Variants in ABCC1 observed in about 807,000 individuals in gnomAD.
The protein encoded by ABCC1 is multidrug resistance-associated protein 1.
A neutral mutation model predicts 172.9 loss-of-function variants in ABCC1; 83 were observed. The ratio of observed to expected loss-of-function variants is 0.48; its 90% CI spans 0.40 to 0.58. ABCC1 has a LOEUF of 0.58. Ranked by LOEUF, ABCC1 falls within the 20% of genes least tolerant of loss-of-function variation. ABCC1 has a pLI of 0.00. For synonymous variants in ABCC1, 937 were observed against 825.2 expected (o/e 1.14, Z -2.32); for missense variants, 1,817 against 2,002.7 (o/e 0.91, Z 1.77).
In ABCC1 at chr16:16,142,149, C is replaced by T. The variant is rs535814046; in HGVS notation, c.*868C>T. 7.2e-6 allele frequency: 1 copy of T among 138,658 alleles called. No homozygotes were observed. Among genetic ancestry groups the T allele is most frequent in the South Asian group, 2.3e-4 (1 of 4,288 alleles). 8.6% of individuals were successfully genotyped at this position (138,658 alleles called of 1,614,324 possible). Reference sequence around the variant, plus strand: ...AACAATCAATGCTGTTATTACTGTTCCCACCATGATTGATGTGGGGTAAAT... The same window carrying T: ...AACAATCAATGCTGTTATTACTGTTTCCACCATGATTGATGTGGGGTAAAT... On this transcript the variant is annotated 3_prime_UTR_variant, in exon 31 of 31. Coordinates refer to ENST00000399410, the MANE Select transcript of ABCC1 (RefSeq NM_004996.4).
intron 16 of ABCC1, among the ~76,000 whole-genome samples, chr16:16,083,023 T>A (rs966111153): frequency 4.6e-5 from 7 of 152,334 alleles, no homozygotes; most frequent in Middle Eastern, 3.4e-3. Flanking sequence ...TAGTTTTCCG[T>A]CACCTGAGGG....
At chr16:15,955,824 A>G (rs1273655044) in intron 1 of ABCC1, among the ~76,000 whole-genome samples, 1 of 152,168 alleles carries the variant, frequency 6.6e-6, no homozygotes, top group African/African-American at 2.4e-5. Context: ...TCGGCTCCAT[A>G]GGGGCAGGGA....
At chr16:16,138,220 C>A in intron 29 of ABCC1, 144 bp from the exon 30 acceptor site, 1 of 633,124 alleles carries the variant, frequency 1.6e-6, no homozygotes, top group Non-Finnish European at 2.7e-6. Context: ...ATGTCTGCTG[C>A]AGACACAGAT....
At chr16:16,096,915 T>C (rs1463574715) in intron 19 of ABCC1, among the ~76,000 whole-genome samples, 2 of 2,366 alleles carry the variant, frequency 8.5e-4, no homozygotes, top group Non-Finnish European at 0.012. Flanking sequence ...GTGTGTTTGC[T>C]TTAAAAAAAA....
At chr16:16,011,329 G>T (rs1020945848) in intron 3 of ABCC1, among the ~76,000 whole-genome samples, 1 of 152,138 alleles carries the variant, frequency 6.6e-6, no homozygotes, top group Non-Finnish European at 1.5e-5. Context: ...GAAGGTTAAG[G>T]GGAGGATGCA....
chr16:16,090,507 C>G lies in ABCC1; in HGVS notation c.2563C>G (p.Leu855Val). The change falls in exon 19 of 31, where the codon CTG becomes GTG. Residue 855 changes from leucine to valine, a missense_variant. Around this residue, in one of 3 missense-constraint regions of ABCC1, gnomAD observed 1,412 missense variants for 1,600.3 expected, o/e 0.88. Transcript: ENST00000399410. ...KISEMGSYQE[L>V]LARDGAFAEF... Reference sequence around the variant, plus strand: ...CTCTGAGATGGGCTCCTACCAGGAGCTGCTGGCTCGAGACGGCGCCTTCGC... The same window carrying G: ...CTCTGAGATGGGCTCCTACCAGGAGGTGCTGGCTCGAGACGGCGCCTTCGC... The G allele has an allele frequency of 6.2e-7, 1 of 1,613,934 alleles. No homozygotes were observed. Among genetic ancestry groups the G allele is most frequent in the Non-Finnish European group, 8.5e-7 (1 of 1,179,988 alleles).
At chr16:16,053,985 T>C (rs2151908472) in intron 11 of ABCC1, among the ~76,000 whole-genome samples, 1 of 151,364 alleles carries the variant, frequency 6.6e-6, no homozygotes, top group East Asian at 1.9e-4. Context: ...TTTTTTTTTT[T>C]GTTTGTGGAG....
chr16:16,108,841 G>A (rs909148774), intron 21 of ABCC1, among the ~76,000 whole-genome samples: 1 of 150,944 alleles, frequency 6.6e-6, no homozygotes, highest in African/African-American at 2.4e-5. Flanking sequence ...CAAGTGACTG[G>A]CCCGCCTCCC....
At chr16:16,009,405 T>C (rs1360307685) in intron 2 of ABCC1, among the ~76,000 whole-genome samples, 4 of 152,176 alleles carry the variant, frequency 2.6e-5, no homozygotes, top group East Asian at 3.9e-4. Context: ...TCTCAGTAAA[T>C]ACTGGTTGAA....
intron 5 of ABCC1, among the ~76,000 whole-genome samples, chr16:16,027,559 TC>T (rs1171995463): frequency 1.3e-5 from 2 of 152,138 alleles, no homozygotes; most frequent in African/African-American, 4.8e-5. Flanking sequence ...ATGCCTATAA[TC>T]CCAGGACTTT....
Position 16,083,318 on chromosome 16 carries a change from A to G in ABCC1, c.2116-48A>G, listed in dbSNP as rs759690547. 17 of 1,579,574 alleles carry G rather than the reference A, an allele frequency of 1.1e-5. 1 individual carries two copies. Among genetic ancestry groups the G allele is most frequent in the Admixed American group, 1.0e-4 (6 of 59,208 alleles). ...TGGGCCAGCTGTTGTCTCGTTGATC[A>G]GATCTGTCTGTGTGTCTGTCTCACC... is the stretch of plus-strand genomic sequence containing the variant. On this transcript the variant is annotated intron_variant, in intron 16 of 30. Coordinates refer to ENST00000399410, the MANE Select transcript of ABCC1 (RefSeq NM_004996.4).
intron 20 of ABCC1, 144 bp from the exon 21 acceptor site, chr16:16,106,594 A>T (rs2052122081): frequency 1.4e-5 from 12 of 869,914 alleles, no homozygotes; most frequent in Admixed American, 7.7e-5. Context: ...GCATATATTC[A>T]TATATATGTT....
At chr16:16,042,719 ATCC>A (rs1247148638) in intron 7 of ABCC1, among the ~76,000 whole-genome samples, 2 of 148,996 alleles carry the variant, frequency 1.3e-5, no homozygotes, top group East Asian at 2.0e-4. Flanking sequence ...AAAAAAAAAA[ATCC>A]CTATAAGATA....
At chr16:16,033,256 T>A in intron 6 of ABCC1, 86 bp downstream of exon 6, 1 of 1,308,946 alleles carries the variant, frequency 7.6e-7, no homozygotes, top group Non-Finnish European at 1.1e-6. Context: ...CAGCTCCCCC[T>A]CCCCAACTTC....
intron 1 of ABCC1, among the ~76,000 whole-genome samples, chr16:15,971,311 T>C (rs1171868473): frequency 6.6e-6 from 1 of 151,910 alleles, no homozygotes; most frequent in Non-Finnish European, 1.5e-5. Flanking sequence ...TGGGGAGGTG[T>C]GGTGGCGGCC....
At chr16:16,076,197 GATA>G in intron 14 of ABCC1, 126 bp from the exon 15 acceptor site, 2 of 868,642 alleles carry the variant, frequency 2.3e-6, no homozygotes, top group Admixed American at 3.0e-5. Context: ...GATGTCACCA[GATA>G]ATAATGCCTA....
chr16:16,056,720 G>T (rs1021859567), intron 12 of ABCC1, among the ~76,000 whole-genome samples: 1 of 152,072 alleles, frequency 6.6e-6, no homozygotes, highest in African/African-American at 2.4e-5. Flanking sequence ...TGAACACTTG[G>T]TTTAAACATT....
At chr16:16,070,917 A>C (rs2050321724) in intron 13 of ABCC1, among the ~76,000 whole-genome samples, 1 of 152,140 alleles carries the variant, frequency 6.6e-6, no homozygotes, top group African/African-American at 2.4e-5. Flanking sequence ...TAAGCAAACT[A>C]ACAATAAGTT....
chr16:16,115,865 T>C (rs1473724113), intron 23 of ABCC1, among the ~76,000 whole-genome samples: 1 of 151,938 alleles, frequency 6.6e-6, no homozygotes, highest in African/African-American at 2.4e-5. Context: ...TAAAAAATCT[T>C]ACCATATTTA....
Sources: allele counts gnomAD v4.1 joint callset (sites outside exome capture counted in the v4.1 genomes callset), GRCh38; gene constraint gnomAD v4.1.1; regional missense constraint gnomAD v4.1.1; transcripts MANE v1.5; gene names NCBI Gene and HGNC (gene_info 2026-07-23, HGNC 2026-07-21).